TRPM3: variants seen among roughly 807,000 people sequenced by gnomAD.
The protein encoded by TRPM3 is transient receptor potential cation channel subfamily M member 3.
In TRPM3, 77 loss-of-function variants were observed where a neutral mutation model predicts 181.2. The ratio of observed to expected loss-of-function variants is 0.42; its 90% CI spans 0.35 to 0.51. The LOEUF is 0.51. TRPM3 is among the 20% of genes least tolerant of loss of function. The probability of loss-of-function intolerance (pLI) is 0.01; values close to 1 mark genes in which losing one functional copy is unlikely to be tolerated. For synonymous variants in TRPM3, 745 were observed against 796.4 expected, an observed-to-expected ratio of 0.94 and a Z score of 1.09; for missense variants, 1,759 against 2,196.7, an observed-to-expected ratio of 0.80 and a Z score of 3.98.
At chr9:71,032,026 TAA>T (rs2057451521) in intron 1 of TRPM3, among the ~76,000 whole-genome samples, 4 of 124 alleles carry the variant, frequency 0.032, no homozygotes, top group Admixed American at 0.3. Flanking sequence ...TATATATATA[TAA>T]TATAAATATA....
intron 1 of TRPM3, among the ~76,000 whole-genome samples, chr9:71,242,315 A>G (rs1165151637): frequency 6.6e-6 from 1 of 152,194 alleles, no homozygotes; most frequent in Non-Finnish European, 1.5e-5. Flanking sequence ...AGTCCATGAA[A>G]TAGTCAGTTA....
intron 22 of TRPM3, among the ~76,000 whole-genome samples, chr9:70,581,959 C>CTTGTCT: frequency 6.9e-5 from 3 of 43,418 alleles, no homozygotes; most frequent in Non-Finnish European, 1.3e-4. Context: ...CTTCTCCTTC[C>CTTGTCT]TTTCTTCCTT....
chr9:71,027,044 C>T (rs2056633950), intron 1 of TRPM3, among the ~76,000 whole-genome samples: 1 of 152,224 alleles, frequency 6.6e-6, no homozygotes, highest in African/African-American at 2.4e-5. Flanking sequence ...CTATGAAGTA[C>T]TTTGTGGCTG....
chr9:70,757,460 G>A (rs2077277989), intron 8 of TRPM3, among the ~76,000 whole-genome samples: 2 of 152,138 alleles, frequency 1.3e-5, no homozygotes, highest in African/African-American at 4.8e-5. Context: ...TAGAAAAAGA[G>A]GGACTCCTCT....
intron 22 of TRPM3, among the ~76,000 whole-genome samples, chr9:70,569,220 T>A (rs1255256695): frequency 6.6e-6 from 1 of 152,216 alleles, no homozygotes; most frequent in African/African-American, 2.4e-5. Flanking sequence ...CTGTTTTTAA[T>A]CCATGGAAAC....
intron 1 of TRPM3, among the ~76,000 whole-genome samples, chr9:71,359,278 A>G (rs1465588603): frequency 1.3e-5 from 2 of 152,226 alleles, no homozygotes; most frequent in Non-Finnish European, 2.9e-5. Context: ...AAATCTCACA[A>G]ACTGAGGTGG....
chr9:71,305,790 C>T (rs904607921), intron 1 of TRPM3, among the ~76,000 whole-genome samples: 1 of 152,088 alleles, frequency 6.6e-6, no homozygotes, highest in African/African-American at 2.4e-5. Flanking sequence ...GACTTGCTTT[C>T]TCTTTCTTTA....
Position 70,533,478 on chromosome 9 carries a change from C to T in TRPM3, c.*2475G>A, listed in dbSNP as rs941991855. Reference sequence around the variant, plus strand: ...AGAGATGGTCTCAAATGTAAAGTGCCTATTACAACTGCATTAACTACGAGC... The same window carrying T: ...AGAGATGGTCTCAAATGTAAAGTGCTTATTACAACTGCATTAACTACGAGC... On this transcript the variant is annotated 3_prime_UTR_variant, in exon 26 of 26. Transcript: ENST00000677713. The T allele has an allele frequency of 6.6e-6, 1 of 152,206 alleles. No individual in the cohort carries two copies. Among genetic ancestry groups the T allele is most frequent in the Non-Finnish European group, 1.5e-5 (1 of 68,032 alleles). The allele number at this position is 152,206 out of a possible 1,614,324, so 9.4% of individuals were successfully genotyped here. A position where few individuals can be genotyped will look rare whatever the true frequency, so the allele number is the denominator to read the frequency against.
intron 1 of TRPM3, among the ~76,000 whole-genome samples, chr9:71,232,138 G>A (rs73647972): frequency 0.019 from 2,859 of 152,168 alleles, 98 homozygotes; most frequent in African/African-American, 0.066. Context: ...TGAAGATGTT[G>A]ATATCAAATG....
At chr9:71,350,576 A>G (rs571281439) in intron 1 of TRPM3, among the ~76,000 whole-genome samples, 4 of 152,234 alleles carry the variant, frequency 2.6e-5, no homozygotes, top group African/African-American at 9.6e-5. Flanking sequence ...GTTGACTCAC[A>G]TGAAGATTTG....
intron 6 of TRPM3, among the ~76,000 whole-genome samples, chr9:70,814,676 G>A (rs1227166439): frequency 6.6e-6 from 1 of 151,968 alleles, no homozygotes; most frequent in East Asian, 1.9e-4. Context: ...CTTTCCTTTT[G>A]TTTTAAAAGG....
chr9:70,929,453 C>T (rs919085794), intron 1 of TRPM3, among the ~76,000 whole-genome samples: 1 of 152,120 alleles, frequency 6.6e-6, no homozygotes, highest in Non-Finnish European at 1.5e-5. Flanking sequence ...CTGCCCACCT[C>T]GGCCTCCCAA....
intron 1 of TRPM3, among the ~76,000 whole-genome samples, chr9:71,423,322 C>T (rs1055997574): frequency 6.6e-6 from 1 of 152,066 alleles, no homozygotes; most frequent in African/African-American, 2.4e-5. Context: ...CCTCTAAAAA[C>T]CAATCAAAAT....
At chr9:70,929,283 C>A (rs1234216021) in intron 1 of TRPM3, among the ~76,000 whole-genome samples, 5 of 151,802 alleles carry the variant, frequency 3.3e-5, no homozygotes, top group Non-Finnish European at 7.4e-5. Flanking sequence ...CTCACTGCAA[C>A]TTCTGTCTCC....
At chr9:71,429,279 C>G (rs2093921370) in intron 1 of TRPM3, among the ~76,000 whole-genome samples, 1 of 152,208 alleles carries the variant, frequency 6.6e-6, no homozygotes, top group Admixed American at 6.5e-5. Context: ...AGAAGAATTG[C>G]CCTACATTTT....
chr9:71,325,252 A>G (rs2089583621), intron 1 of TRPM3, among the ~76,000 whole-genome samples: 1 of 152,190 alleles, frequency 6.6e-6, no homozygotes. Context: ...TTTTACCAAA[A>G]TTTAGTGAAA....
chr9:70,700,943 C>CT (rs1383602495), intron 8 of TRPM3, among the ~76,000 whole-genome samples: 2 of 152,192 alleles, frequency 1.3e-5, no homozygotes, highest in Non-Finnish European at 2.9e-5. Context: ...CCAGCAATGA[C>CT]TTTTCCACAA....
intron 1 of TRPM3, among the ~76,000 whole-genome samples, chr9:70,890,811 A>G (rs562815789): frequency 2.8e-4 from 43 of 152,196 alleles, no homozygotes; most frequent in African/African-American, 9.6e-4. Context: ...AAAACAGGGA[A>G]CCAAGCACAG....
chr9:71,380,640 T>A (rs2092777943), intron 1 of TRPM3, among the ~76,000 whole-genome samples: 1 of 152,046 alleles, frequency 6.6e-6, no homozygotes, highest in Admixed American at 6.6e-5. Flanking sequence ...ATGGCTAATA[T>A]CTGATTATTA....
Sources: allele counts gnomAD v4.1 joint callset (sites outside exome capture counted in the v4.1 genomes callset), GRCh38; gene constraint gnomAD v4.1.1; transcripts MANE v1.5; gene names NCBI Gene and HGNC (gene_info 2026-07-23, HGNC 2026-07-21).